Variants in RAB38 observed in about 807,000 individuals in gnomAD.
The protein encoded by RAB38 is RAB38, member RAS oncogene family.
A neutral mutation model predicts 18.4 loss-of-function variants in RAB38; 15 were observed. The observed-to-expected ratio is 0.82, with a 90% CI of 0.55 to 1.26. The LOEUF is 1.26. Ranked by LOEUF, RAB38 falls within the 50% of genes most tolerant of loss-of-function variation. The pLI, the probability that RAB38 is intolerant of heterozygous loss-of-function variation, is 0.00. For missense variants in RAB38, 294 were observed against 267.4 expected, an observed-to-expected ratio of 1.10 and a Z score of -0.69; for synonymous variants, 101 against 104.4, an observed-to-expected ratio of 0.97 and a Z score of 0.20.
chr11:88,149,885 A>G lies in RAB38; in HGVS notation c.273T>C (p.Asp91=). ...CTTCAAATGTGGCTGGCCTGGTGAC[A>G]TCGAAGACAATAAATGCACCCATAG... is the stretch of plus-strand genomic sequence containing the variant. ...REAMGAFIVF[D]VTRPATFEAV... is the part of the protein sequence containing the mutation. The change falls in exon 2 of 3, where the codon GAT becomes GAC. Residue 91 remains aspartate (D), a synonymous_variant. Transcript: ENST00000243662. The G allele has an allele frequency of 6.2e-7, 1 of 1,614,074 alleles. No individual in the cohort carries two copies. The highest frequency in any genetic ancestry group is 2.2e-5 in the East Asian group (1 of 44,882).
chr11:88,030,522 C>A, the RAB38 span, among the ~76,000 whole-genome samples: 2 of 151,890 alleles, frequency 1.3e-5, no homozygotes, highest in Non-Finnish European at 2.9e-5. Flanking sequence ...ATCAAATAGA[C>A]GCAATAAAAA....
At chr11:87,950,073 C>A in the RAB38 span, among the ~76,000 whole-genome samples, 1 of 152,140 alleles carries the variant, frequency 6.6e-6, no homozygotes, top group Non-Finnish European at 1.5e-5. Context: ...TCTGGGTGTT[C>A]CTGTATTGGG....
At chr11:88,112,788 AACAAAAT>A (rs1433552533), downstream of RAB38, among the ~76,000 whole-genome samples, 2 of 115,518 alleles carry the variant, frequency 1.7e-5, no homozygotes, top group African/African-American at 8.7e-5. Context: ...CAACAACAAC[AACAAAAT>A]ATATATATAT....
At chr11:87,856,887 A>C in the RAB38 span, among the ~76,000 whole-genome samples, 3 of 152,050 alleles carry the variant, frequency 2.0e-5, no homozygotes, top group Non-Finnish European at 2.9e-5. Context: ...ATTATACTTT[A>C]AGTTCTAGAG....
the RAB38 span, among the ~76,000 whole-genome samples, chr11:87,825,965 T>C: frequency 6.6e-6 from 1 of 152,064 alleles, no homozygotes; most frequent in Non-Finnish European, 1.5e-5. Context: ...AAAAAATAAA[T>C]GGTGGTTTAA....
the RAB38 span, among the ~76,000 whole-genome samples, chr11:88,064,520 T>C: frequency 2.0e-5 from 3 of 152,354 alleles, no homozygotes; most frequent in African/African-American, 7.2e-5. Flanking sequence ...AGTTGCCTCA[T>C]GGGAGACAGC....
the RAB38 span, among the ~76,000 whole-genome samples, chr11:87,881,813 G>A: frequency 6.6e-6 from 1 of 151,574 alleles, no homozygotes; most frequent in Non-Finnish European, 1.5e-5. Flanking sequence ...TCTTTATCCT[G>A]CTAAAAGCAC....
chr11:88,052,527 T>G, the RAB38 span, among the ~76,000 whole-genome samples: 1 of 152,120 alleles, frequency 6.6e-6, no homozygotes, highest in African/African-American at 2.4e-5. Context: ...CTCAAAAGCT[T>G]ACTTAGGTCT....
chr11:87,823,644 T>A, the RAB38 span, among the ~76,000 whole-genome samples: 5 of 152,192 alleles, frequency 3.3e-5, no homozygotes, highest in African/African-American at 1.2e-4. Context: ...GTTGCTAATG[T>A]CATTCAATTT....
At chr11:88,090,271 C>A in the RAB38 span, among the ~76,000 whole-genome samples, 2 of 151,884 alleles carry the variant, frequency 1.3e-5, no homozygotes, top group African/African-American at 4.8e-5. Flanking sequence ...AAATAAGTTT[C>A]TTTTTCTTTA....
At chr11:87,847,050 T>G in the RAB38 span, among the ~76,000 whole-genome samples, 1 of 151,814 alleles carries the variant, frequency 6.6e-6, no homozygotes, top group African/African-American at 2.4e-5. Flanking sequence ...TAACTTCAAA[T>G]GCATATATCA....
chr11:88,166,395 C>T (rs192494809), intron 1 of RAB38: 4 of 152,168 alleles, frequency 2.6e-5, no homozygotes, highest in East Asian at 3.9e-4. Flanking sequence ...TTAAAAAATA[C>T]GTTTTTAATT....
At chr11:88,158,903 G>A (rs985556357) in intron 1 of RAB38, among the ~76,000 whole-genome samples, 67 of 152,000 alleles carry the variant, frequency 4.4e-4, no homozygotes, top group Non-Finnish European at 2.4e-4. Flanking sequence ...ACACATTACT[G>A]GAAGTGCTAG....
chr11:88,031,526 C>A, the RAB38 span, among the ~76,000 whole-genome samples: 1 of 151,956 alleles, frequency 6.6e-6, no homozygotes, highest in Non-Finnish European at 1.5e-5. Flanking sequence ...GCAACTTCAG[C>A]AATGTCTCAG....
the RAB38 span, among the ~76,000 whole-genome samples, chr11:88,086,803 G>A: frequency 1.3e-4 from 19 of 151,972 alleles, no homozygotes; most frequent in African/African-American, 4.3e-4. Context: ...TATGCTCTTT[G>A]AATTATGCAG....
At chr11:87,973,362 C>A in the RAB38 span, among the ~76,000 whole-genome samples, 1 of 151,998 alleles carries the variant, frequency 6.6e-6, no homozygotes, top group Non-Finnish European at 1.5e-5. Context: ...ACTTGCCCAC[C>A]TGATGCAAAT....
chr11:87,946,263 T>C, the RAB38 span, among the ~76,000 whole-genome samples: 1 of 152,144 alleles, frequency 6.6e-6, no homozygotes. Context: ...GTTATTTAGC[T>C]CTTTGATGAT....
At chr11:87,895,876 G>A in the RAB38 span, among the ~76,000 whole-genome samples, 1 of 151,460 alleles carries the variant, frequency 6.6e-6, no homozygotes, top group Non-Finnish European at 1.5e-5. Flanking sequence ...CTATAGAGGA[G>A]GATAAAAACC....
the RAB38 span, among the ~76,000 whole-genome samples, chr11:87,930,907 C>G: frequency 2.0e-4 from 30 of 152,218 alleles, no homozygotes; most frequent in East Asian, 5.6e-3. Flanking sequence ...GGGCTCTGTT[C>G]TGTTCCATTG....
Sources: gnomAD v4.1 joint callset for allele counts (sites outside exome capture counted in the v4.1 genomes callset) on GRCh38, gnomAD v4.1.1 for gene constraint, MANE v1.5 for transcripts, NCBI Gene and HGNC (gene_info 2026-07-23, HGNC 2026-07-21) for gene names.